Variants in ANKRD62 observed in about 807,000 individuals in gnomAD.
ANKRD62 encodes ankyrin repeat domain-containing protein 62.
In ANKRD62, 61 loss-of-function variants were observed where a neutral mutation model predicts 98.8. That is an observed-to-expected ratio of 0.62 (90% CI 0.50 to 0.76). ANKRD62 has a LOEUF of 0.76. Among genes scored for constraint, ANKRD62 ranks in the 30% least tolerant of loss-of-function variants. The pLI is 0.00. For synonymous variants in ANKRD62, 341 were observed against 367.9 expected (o/e 0.93, Z 0.84); for missense variants, 933 against 1,082.9 (o/e 0.86, Z 1.94).
chr18:12,137,289 G>A, the ANKRD62 span, among the ~76,000 whole-genome samples: 1 of 152,128 alleles, frequency 6.6e-6, no homozygotes. Flanking sequence ...GGCCTTTTCT[G>A]CATCTATTGA....
the ANKRD62 span, among the ~76,000 whole-genome samples, chr18:12,166,699 C>T: frequency 4.6e-5 from 7 of 151,968 alleles, no homozygotes; most frequent in African/African-American, 7.3e-5. Context: ...AGCTGTTTAT[C>T]ATTGTTTGGG....
chr18:12,117,254 G>A (rs1909684106), intron 10 of ANKRD62, among the ~76,000 whole-genome samples: 1 of 152,042 alleles, frequency 6.6e-6, no homozygotes. Flanking sequence ...GGCAAAAGGG[G>A]TCTCTGTTGT....
At chr18:12,094,853 G>A (rs1568056794) in intron 1 of ANKRD62, among the ~76,000 whole-genome samples, 1 of 129,052 alleles carries the variant, frequency 7.7e-6, no homozygotes, top group Non-Finnish European at 1.7e-5. Flanking sequence ...GGAGTCGAGT[G>A]GAGTGAGGGT....
At chr18:12,170,202 G>A in the ANKRD62 span, among the ~76,000 whole-genome samples, 2 of 152,064 alleles carry the variant, frequency 1.3e-5, no homozygotes, top group East Asian at 1.9e-4. Flanking sequence ...TGCTTCTCTA[G>A]TTCTTTTAAT....
intron 6 of ANKRD62, among the ~76,000 whole-genome samples, chr18:12,100,997 C>T (rs1279725228): frequency 2.0e-5 from 3 of 152,018 alleles, no homozygotes; most frequent in Non-Finnish European, 4.4e-5. Context: ...CCACACAGCC[C>T]CACAACTTAA....
intron 13 of ANKRD62, among the ~76,000 whole-genome samples, chr18:12,126,745 G>A (rs1909901412): frequency 2.0e-5 from 3 of 152,168 alleles, no homozygotes; most frequent in Admixed American, 6.5e-5. Context: ...CATACCTAAA[G>A]TGTTATTTTG....
At chr18:12,146,097 C>G in the ANKRD62 span, among the ~76,000 whole-genome samples, 2 of 151,972 alleles carry the variant, frequency 1.3e-5, no homozygotes, top group Non-Finnish European at 2.9e-5. Flanking sequence ...GGCCAACCTG[C>G]GGTAGAAGTG....
At chr18:12,156,565 T>C in the ANKRD62 span, among the ~76,000 whole-genome samples, 14 of 152,338 alleles carry the variant, frequency 9.2e-5, no homozygotes, top group East Asian at 1.5e-3. Context: ...GGAAAACTTA[T>C]AGAGCATCAC....
chr18:12,153,157 C>T, the ANKRD62 span, among the ~76,000 whole-genome samples: 1 of 152,178 alleles, frequency 6.6e-6, no homozygotes, highest in Middle Eastern at 3.2e-3. Flanking sequence ...TCAGAGATGA[C>T]ACAGACAAAT....
At chr18:12,164,233 G>A in the ANKRD62 span, among the ~76,000 whole-genome samples, 1 of 151,872 alleles carries the variant, frequency 6.6e-6, no homozygotes, top group Non-Finnish European at 1.5e-5. Context: ...TTTGTAGATT[G>A]TATGTGCTTA....
chr18:12,123,859 G>A (rs944468407), intron 11 of ANKRD62, among the ~76,000 whole-genome samples: 1 of 152,148 alleles, frequency 6.6e-6, no homozygotes, highest in Non-Finnish European at 1.5e-5. Context: ...TGAAGAAAAG[G>A]TAATTTTTAA....
At chr18:12,139,264 G>A in the ANKRD62 span, among the ~76,000 whole-genome samples, 115 of 152,114 alleles carry the variant, frequency 7.6e-4, 1 homozygote, top group Non-Finnish European at 1.5e-3. Flanking sequence ...CTCAGCATTT[G>A]CTTGTCTGTA....
At chr18:12,158,460 T>C in the ANKRD62 span, among the ~76,000 whole-genome samples, 1 of 152,274 alleles carries the variant, frequency 6.6e-6, no homozygotes, top group Non-Finnish European at 1.5e-5. Context: ...TGAAAAGATA[T>C]TGCAAATAGG....
the ANKRD62 span, among the ~76,000 whole-genome samples, chr18:12,160,655 T>C: frequency 6.6e-6 from 1 of 152,218 alleles, no homozygotes; most frequent in Non-Finnish European, 1.5e-5. Context: ...TTTTATGTTA[T>C]CTATCAGCAG....
At chr18:12,096,144 G>T in intron 3 of ANKRD62, 52 bp from the exon 4 acceptor site, 1 of 1,232,844 alleles carries the variant, frequency 8.1e-7, no homozygotes, top group Non-Finnish European at 1.1e-6. Context: ...TTTCAGTTCA[G>T]TTGGGAAGTA....
chr18:12,161,996 C>A, the ANKRD62 span, among the ~76,000 whole-genome samples: 1 of 152,142 alleles, frequency 6.6e-6, no homozygotes, highest in African/African-American at 2.4e-5. Flanking sequence ...CATGGGAATG[C>A]AGACATCTCT....
chr18:12,165,349 TCCTC>T, the ANKRD62 span, among the ~76,000 whole-genome samples: 53 of 152,036 alleles, frequency 3.5e-4, no homozygotes, highest in African/African-American at 1.2e-3. Flanking sequence ...CTTCTTTTCT[TCCTC>T]CCTATCTTCC....
chr18:12,166,299 G>A, the ANKRD62 span, among the ~76,000 whole-genome samples: 1 of 151,836 alleles, frequency 6.6e-6, no homozygotes, highest in East Asian at 1.9e-4. Context: ...GCTATTTTCT[G>A]TATCTTGTAT....
chr18:12,122,331 T>A lies in ANKRD62; in HGVS notation c.1269T>A (p.Asn423Lys). ...TTGTTAGCCTATCGAAAAGCAAGAA[T>A]GCAACAGCTGCATGTGGAAGATCAA... is the stretch of plus-strand genomic sequence containing the variant. ...KDFVSLSKSK[N>K]ATAACGRSIE... Residue 423 changes from asparagine to lysine, a missense_variant, in exon 11 of 14, where the codon AAT becomes AAA. Physicochemically the swap from Asn to Lys is moderately conservative, Grantham distance 94. This residue lies in a region of ANKRD62 where 549 missense variants were observed against 587.9 expected (regional missense o/e 0.93). Coordinates refer to ENST00000587848, the MANE Select transcript of ANKRD62 (RefSeq NM_001277333.2). The A allele has an allele frequency of 2.0e-6, 3 of 1,535,110 alleles. No homozygotes were observed. The highest frequency in any genetic ancestry group is 2.6e-6 in the Non-Finnish European group (3 of 1,146,584).
Sources: allele counts gnomAD v4.1 joint callset (sites outside exome capture counted in the v4.1 genomes callset), GRCh38; gene constraint gnomAD v4.1.1; regional missense constraint gnomAD v4.1.1; transcripts MANE v1.5; gene names NCBI Gene and HGNC (gene_info 2026-07-23, HGNC 2026-07-21).